The following AKNA variants were observed in gnomAD, a reference collection of about 807,000 sequenced individuals.
AKNA encodes the protein AT-hook transcription factor.
A neutral mutation model predicts 138.8 loss-of-function variants in AKNA; 67 were observed. That is an observed-to-expected ratio of 0.48 (90% CI 0.40 to 0.59). The LOEUF (loss-of-function observed/expected upper bound fraction) is 0.59, where lower values mean the gene tolerates loss of function less well. Among genes scored for constraint, AKNA ranks in the 20% least tolerant of loss-of-function variants. The probability of loss-of-function intolerance (pLI) is 0.00; values close to 1 mark genes in which losing one functional copy is unlikely to be tolerated. For synonymous variants in AKNA, 737 were observed against 754.4 expected, an observed-to-expected ratio of 0.98 and a Z score of 0.38; for missense variants, 1,813 against 1,880.4, an observed-to-expected ratio of 0.96 and a Z score of 0.66.
intron 21 of AKNA, among the ~76,000 whole-genome samples, chr9:114,340,150 CCCCGAATAGA>C (rs1167739937): frequency 1.3e-5 from 2 of 152,150 alleles, no homozygotes; most frequent in African/African-American, 2.4e-5. Flanking sequence ...TAGGCCTGGT[CCCCGAATAGA>C]GGACCAGGGC....
At chr9:114,342,155 G>T in intron 19 of AKNA, 30 bp from the exon 20 acceptor site, 1 of 1,475,962 alleles carries the variant, frequency 6.8e-7, no homozygotes, top group South Asian at 1.3e-5. Flanking sequence ...TGTCAGGGGA[G>T]GATTACATCT....
upstream of AKNA, among the ~76,000 whole-genome samples, chr9:114,395,866 G>A (rs1236330851): frequency 6.6e-6 from 1 of 151,800 alleles, no homozygotes; most frequent in Non-Finnish European, 1.5e-5. Context: ...ACTGAATGCT[G>A]CACTGGGAAG....
chr9:114,388,042 GT>G (rs1564102838), upstream of AKNA: 1 of 271,192 alleles, frequency 3.7e-6, no homozygotes, highest in Non-Finnish European at 8.1e-6. Flanking sequence ...CGCCCCTGCC[GT>G]GGTTGAGGCC....
At position 114,341,681 on chromosome 9, in the gene AKNA, T is replaced by C; in HGVS notation, c.3919A>G (p.Ser1307Gly). Residue 1307 changes from serine (S) to glycine (G), a missense_variant, in exon 21 of 22, where the codon AGC becomes GGC. Ser to Gly is a moderately conservative substitution (Grantham distance 56). Coordinates refer to ENST00000374088, the MANE Select transcript of AKNA (RefSeq NM_001317950.2). ...TTRRKASSTP[S>G]PKQRSKQAGS... The stretch of plus-strand genomic sequence containing the variant: ...GCCTGCTTGCTCCTCTGCTTGGGGC[T>C]GGGAGTTGAAGATGCTTTTCTCCTC... 1 of 1,602,196 alleles carries C rather than the reference T, an allele frequency of 6.2e-7. No individual in the cohort carries two copies. The highest frequency in any genetic ancestry group is 8.5e-7 in the Non-Finnish European group (1 of 1,175,222).
In AKNA at chr9:114,376,754, C is replaced by T. The variant is rs1833243581; in HGVS notation, c.1053G>A (p.Arg351=). The T allele has an allele frequency of 1.9e-6, 3 of 1,612,652 alleles. No homozygotes were observed. In the Admixed American group the frequency reaches 5.0e-5, roughly 27 times the overall value. Residue 351 remains arginine (R), a synonymous_variant, in exon 3 of 22, where the codon CGG becomes CGA. Coordinates refer to ENST00000374088, the MANE Select transcript of AKNA (RefSeq NM_001317950.2). Reference sequence around the variant, plus strand: ...CAGGGAGTGGGTAGTTCAACTGCCCCCGGCCATACTTGGGGGCATTAGAAG... The same window carrying T: ...CAGGGAGTGGGTAGTTCAACTGCCCTCGGCCATACTTGGGGGCATTAGAAG... ...RSSSNAPKYG[R]GQLNYPLPDF... is the part of the protein sequence containing the mutation.
At chr9:114,384,047 T>G (rs1176563969) in intron 1 of AKNA, among the ~76,000 whole-genome samples, 2 of 152,234 alleles carry the variant, frequency 1.3e-5, no homozygotes, top group African/African-American at 4.8e-5. Flanking sequence ...AGCTTTACTT[T>G]TAAATTCTCA....
At chr9:114,368,709 T>C in intron 4 of AKNA, 114 bp from the exon 5 acceptor site, 1 of 939,560 alleles carries the variant, frequency 1.1e-6, no homozygotes, top group East Asian at 3.3e-5. Flanking sequence ...ATAAATACCA[T>C]CTTTCAGTGC....
At chr9:114,364,735 T>C in intron 6 of AKNA, 116 bp from the exon 7 acceptor site, 1 of 1,089,302 alleles carries the variant, frequency 9.2e-7, no homozygotes, top group Non-Finnish European at 1.4e-6. Context: ...GGATGTGGGG[T>C]TTCTGCCAAG....
rs561959446 is a variant in AKNA, at chr9:114,356,244, G to C, written c.2847-108C>G. ...CTAACCCAATAAGCTCCCACCCTTT[G>C]TAACTTTGCATCTCGGGTGGTACAA... On this transcript the variant is annotated intron_variant, in intron 13 of 21. Transcript: ENST00000374088. 6.9e-6 allele frequency: 7 copies of C among 1,019,626 alleles called. No homozygotes were observed. The African/African-American group carries it at 9.7e-5, about 14-fold the overall frequency. The allele number at this position is 1,019,626 out of a possible 1,614,324, so 63.2% of individuals were successfully genotyped here.
intron 14 of AKNA, 78 bp downstream of exon 14, chr9:114,355,847 T>A: frequency 2.8e-6 from 4 of 1,444,360 alleles, no homozygotes; most frequent in Non-Finnish European, 2.8e-6. Flanking sequence ...ATATGTCATA[T>A]CCTAAAGGGT....
Position 114,354,976 on chromosome 9 carries a change from G to GC in AKNA, c.3058+948dup, listed in dbSNP as rs1831388587. 2.0e-5 allele frequency among the ~76,000 whole-genome samples: 3 copies of GC among 148,128 alleles called. No homozygotes were observed. In the South Asian group the frequency reaches 6.6e-4, roughly 32 times the overall value. On this transcript the variant is annotated intron_variant, in intron 14 of 21. Coordinates refer to ENST00000374088, the MANE Select transcript of AKNA (RefSeq NM_001317950.2). Reference sequence around the variant, plus strand: ...CTCTGCCTCCGCCTCCTGGGTTCAAGCAATTCTCATGCCTCAGCCTCCTGA... The same window carrying GC: ...CTCTGCCTCCGCCTCCTGGGTTCAAGCCAATTCTCATGCCTCAGCCTCCTGA...
chr9:114,361,676 A>G, intron 9 of AKNA, 28 bp downstream of exon 9: 1 of 1,610,544 alleles, frequency 6.2e-7, no homozygotes, highest in Non-Finnish European at 8.5e-7. Flanking sequence ...ACGAGGGAAC[A>G]GCCCAATATG....
At chr9:114,378,246 C>G (rs1249657747) in intron 2 of AKNA, among the ~76,000 whole-genome samples, 2 of 152,208 alleles carry the variant, frequency 1.3e-5, no homozygotes. Context: ...CTCTCCCCTC[C>G]TTGGCCTAGT....
intron 2 of AKNA, 73 bp downstream of exon 2, chr9:114,380,987 A>AAAAAAAAAAAAAAAAAAAAAAAG: frequency 7.4e-7 from 1 of 1,352,668 alleles, no homozygotes; most frequent in African/African-American, 1.8e-5. Flanking sequence ...GTCTCAAAAA[A>AAAAAAAAAAAAAAAAAAAAAAAG]AAAAAAAAAA....
At chr9:114,337,624 G>A (rs990868117) in intron 21 of AKNA, among the ~76,000 whole-genome samples, 1 of 152,110 alleles carries the variant, frequency 6.6e-6, no homozygotes, top group Admixed American at 6.5e-5. Context: ...TGGGGTTACA[G>A]TGGGACAAGA....
downstream of AKNA, among the ~76,000 whole-genome samples, chr9:114,331,290 G>A (rs1446420443): frequency 3.9e-5 from 6 of 152,074 alleles, no homozygotes; most frequent in East Asian, 3.9e-4. Flanking sequence ...TTAGCATCCC[G>A]AGCCTCCTCT....
At chr9:114,350,775 TC>T (rs1831055067) in intron 15 of AKNA, 83 bp downstream of exon 15, 24 of 1,431,478 alleles carry the variant, frequency 1.7e-5, no homozygotes, top group Non-Finnish European at 2.2e-5. Context: ...TGGGCAGGTC[TC>T]CACCTCCACC....
chr9:114,351,213 G>A (rs902813937), intron 14 of AKNA, among the ~76,000 whole-genome samples, 192 bp from the exon 15 acceptor site: 2 of 152,088 alleles, frequency 1.3e-5, no homozygotes, highest in African/African-American at 4.8e-5. Context: ...TGGGAGTGTG[G>A]GGTGCTGAGC....
Position 114,334,679 on chromosome 9 carries a change from C to G in AKNA, c.*2375G>C, listed in dbSNP as rs982759518. 2 of 147,010 alleles carry G rather than the reference C, an allele frequency of 1.4e-5. 1 individual carries two copies. The highest frequency in any genetic ancestry group is 5.5e-5 in the African/African-American group (2 of 36,534). 9.1% of individuals were successfully genotyped at this position (147,010 alleles called of 1,614,324 possible). A position where few individuals can be genotyped will look rare whatever the true frequency, so the allele number is the denominator to read the frequency against. ...ACAGCCTCTTGTTACGTGAGGGAAG[C>G]AGCACCCCTTCCGTGGCAGAAAAGT... On this transcript the variant is annotated 3_prime_UTR_variant, in exon 22 of 22. Transcript: ENST00000374088.
Sources: allele counts gnomAD v4.1 joint callset (sites outside exome capture counted in the v4.1 genomes callset), GRCh38; gene constraint gnomAD v4.1.1; transcripts MANE v1.5; gene names NCBI Gene and HGNC (gene_info 2026-07-23, HGNC 2026-07-21).